C14orf132: variants seen among roughly 807,000 people sequenced by gnomAD.
C14orf132 encodes chromosome 14 open reading frame 132, also known as uncharacterized protein C14orf132.
A neutral mutation model predicts 5.8 loss-of-function variants in C14orf132; 6 were observed. The ratio of observed to expected loss-of-function variants is 1.03; its 90% CI spans 0.57 to 2.04. The LOEUF is 2.04. Among genes scored for constraint, C14orf132 ranks in the 30% most tolerant of loss-of-function variants. The pLI, the probability that C14orf132 is intolerant of heterozygous loss-of-function variation, is 0.00. For synonymous variants in C14orf132, 51 were observed against 49.8 expected, an observed-to-expected ratio of 1.02 and a Z score of -0.10; for missense variants, 125 against 115.8, an observed-to-expected ratio of 1.08 and a Z score of -0.37.
At chr14:96,054,711 C>T (rs995374903) in intron 1 of C14orf132, among the ~76,000 whole-genome samples, 1 of 152,202 alleles carries the variant, frequency 6.6e-6, no homozygotes, top group African/African-American at 2.4e-5. Flanking sequence ...TAGCCATTTT[C>T]CTCAACTGTT....
intron 1 of C14orf132, among the ~76,000 whole-genome samples, chr14:96,074,139 G>A (rs8010313): frequency 0.54 from 81,481 of 152,066 alleles, 22,180 homozygotes; most frequent in Admixed American, 0.65. Flanking sequence ...GTTAACCTAC[G>A]TAACAACAAA....
chr14:96,079,888 A>G (rs567829771), intron 1 of C14orf132, among the ~76,000 whole-genome samples: 11 of 152,328 alleles, frequency 7.2e-5, no homozygotes, highest in African/African-American at 2.6e-4. Flanking sequence ...GAGTTGTCAG[A>G]TGTAGCAAAT....
At chr14:96,073,270 A>G (rs1187054653) in intron 1 of C14orf132, among the ~76,000 whole-genome samples, 1 of 152,098 alleles carries the variant, frequency 6.6e-6, no homozygotes, top group East Asian at 1.9e-4. Context: ...TGCCCTCTGT[A>G]TATATATCTC....
chr14:96,091,123 A>C lies in C14orf132; in HGVS notation c.*4388A>C, dbSNP rs1284061536. The C allele has an allele frequency of 2.4e-6, 1 of 415,094 alleles. No homozygotes were observed. Among genetic ancestry groups the C allele is most frequent in the African/African-American group, 2.0e-5 (1 of 49,084 alleles). The allele number at this position is 415,094 out of a possible 1,614,324, so 25.7% of individuals were successfully genotyped here. A position where few individuals can be genotyped will look rare whatever the true frequency, so the allele number is the denominator to read the frequency against. ...AGGCCAGGGCTGAACGCTCACAGCT[A>C]AGGAGCTGTGATTCAGACCCAGTTC... On this transcript the variant is annotated 3_prime_UTR_variant, in exon 2 of 2. Transcript: ENST00000555004.
At chr14:96,061,982 C>T (rs1030597215) in intron 1 of C14orf132, among the ~76,000 whole-genome samples, 2 of 152,118 alleles carry the variant, frequency 1.3e-5, no homozygotes, top group Non-Finnish European at 2.9e-5. Context: ...CTTACAAATG[C>T]TCAACAGAAC....
At chr14:96,085,050 C>T (rs543948551) in intron 1 of C14orf132, among the ~76,000 whole-genome samples, 11 of 152,330 alleles carry the variant, frequency 7.2e-5, no homozygotes, top group African/African-American at 2.6e-4. Flanking sequence ...AGTGCCTGGG[C>T]TCACAGTCAG....
At chr14:96,048,619 G>A (rs547267167) in intron 1 of C14orf132, among the ~76,000 whole-genome samples, 4 of 151,970 alleles carry the variant, frequency 2.6e-5, no homozygotes, top group South Asian at 4.2e-4. Flanking sequence ...CTGCCCCCCC[G>A]GGTTCAAGTG....
At position 96,086,720 on chromosome 14, in the gene C14orf132, T is replaced by C. The variant is rs752606471; in HGVS notation, c.237T>C (p.Tyr79=). 2.0e-6 allele frequency: 3 copies of C among 1,536,112 alleles called. No homozygotes were observed. The highest frequency in any genetic ancestry group is 2.6e-6 in the Non-Finnish European group (3 of 1,146,896). ...LGNIVVVGVV[Y]AFTF ...ACATCGTGGTGGTGGGCGTGGTGTA[T>C]GCCTTCACCTTCTGAGGACGGCACA... Residue 79 remains tyrosine (Y), a synonymous_variant, in exon 2 of 2, where the codon TAT becomes TAC. Coordinates refer to ENST00000555004, the MANE Select transcript of C14orf132 (RefSeq NM_001252507.3).
chr14:96,064,462 G>GTATA (rs141735512), intron 1 of C14orf132, among the ~76,000 whole-genome samples: 1 of 147,426 alleles, frequency 6.8e-6, no homozygotes, highest in Admixed American at 6.8e-5. Flanking sequence ...GTATATGTAT[G>GTATA]TATATATATA....
intron 1 of C14orf132, among the ~76,000 whole-genome samples, chr14:96,066,379 T>TG (rs1406132170): frequency 2.0e-5 from 3 of 152,182 alleles, no homozygotes; most frequent in African/African-American, 7.2e-5. Context: ...TGAGTTACTA[T>TG]GGCAACACTT....
At chr14:96,057,076 T>C (rs77244877) in intron 1 of C14orf132, among the ~76,000 whole-genome samples, 2,661 of 152,284 alleles carry the variant, frequency 0.017, 78 homozygotes, top group African/African-American at 0.06. Context: ...GGTTTTGCTG[T>C]GGTTTGAATG....
At chr14:96,041,791 C>G (rs938709785) in intron 1 of C14orf132, among the ~76,000 whole-genome samples, 3 of 152,162 alleles carry the variant, frequency 2.0e-5, no homozygotes, top group African/African-American at 7.2e-5. Flanking sequence ...CTAGTACCTG[C>G]CTTGTGACAA....
intron 1 of C14orf132, among the ~76,000 whole-genome samples, chr14:96,046,076 C>T (rs1886825312): frequency 6.6e-6 from 1 of 152,242 alleles, no homozygotes; most frequent in Non-Finnish European, 1.5e-5. Flanking sequence ...ATGGTGCTGG[C>T]TCCCCCAAGA....
chr14:96,072,877 C>T (rs1377847662), intron 1 of C14orf132, among the ~76,000 whole-genome samples: 1 of 152,200 alleles, frequency 6.6e-6, no homozygotes, highest in African/African-American at 2.4e-5. Context: ...TGCCCATTTA[C>T]CAGTTGAAAG....
intron 1 of C14orf132, among the ~76,000 whole-genome samples, chr14:96,076,109 G>A (rs1887857336): frequency 6.6e-6 from 1 of 152,072 alleles, no homozygotes; most frequent in East Asian, 1.9e-4. Flanking sequence ...AGGACTGTGT[G>A]GTTTATCTTT....
intron 1 of C14orf132, among the ~76,000 whole-genome samples, chr14:96,079,184 C>T (rs192474321): frequency 1.3e-5 from 2 of 152,326 alleles, no homozygotes; most frequent in Admixed American, 6.5e-5. Context: ...GCATGGAACA[C>T]GTACAGCCGA....
rs375260509 is a variant in C14orf132, at chr14:96,049,651, T to TAGAGAGAG, written c.27+10125_27+10126insGAGAGAGA. Among the ~76,000 whole-genome samples, 77 of 67,810 alleles carry TAGAGAGAG rather than the reference T, an allele frequency of 1.1e-3. 12 individuals are homozygous for TAGAGAGAG. In the East Asian group the frequency reaches 0.046, roughly 41 times the overall value. The allele number at this position is 67,810 out of a possible 152,430, so 44.5% of individuals were successfully genotyped here. A position where few individuals can be genotyped will look rare whatever the true frequency, so the allele number is the denominator to read the frequency against. On this transcript the variant is annotated intron_variant, in intron 1 of 1. Transcript: ENST00000555004. ...ATATACATATATACGTATATATATA[T>TAGAGAGAG]ATAGAGAGAGAGAGAGAGAGAGTTC...
rs55648129 is a variant in C14orf132, at chr14:96,069,256, CATATATATATATAT to C, written c.28-17218_28-17205del. On this transcript the variant is annotated intron_variant, in intron 1 of 1. Transcript: ENST00000555004. ...ATATGTTATTGGTTCTGTTTATGTT[CATATATATATATAT>C]ATATATATATATATATATATATATA... Among the ~76,000 whole-genome samples, 76 of 95,246 alleles carry C rather than the reference CATATATATATATAT, an allele frequency of 8.0e-4. 1 individual carries two copies. Among genetic ancestry groups the C allele is most frequent in the Middle Eastern group, 6.3e-3 (1 of 160 alleles). 62.5% of individuals were successfully genotyped at this position (95,246 alleles called of 152,430 possible).
chr14:96,045,768 T>G (rs1406819816), intron 1 of C14orf132, among the ~76,000 whole-genome samples: 6 of 152,254 alleles, frequency 3.9e-5, no homozygotes, highest in Non-Finnish European at 4.4e-5. Flanking sequence ...TTTCTGTTAC[T>G]TACTGCTTAT....
Sources: allele counts gnomAD v4.1 joint callset (sites outside exome capture counted in the v4.1 genomes callset), GRCh38; gene constraint gnomAD v4.1.1; transcripts MANE v1.5; gene names NCBI Gene and HGNC (gene_info 2026-07-23, HGNC 2026-07-21).